Variants in CFAP20DC observed in about 807,000 individuals in gnomAD.
The protein encoded by CFAP20DC is protein CFAP20DC.
A neutral mutation model predicts 101.7 loss-of-function variants in CFAP20DC; 84 were observed. The observed-to-expected ratio is 0.83, with a 90% CI of 0.69 to 0.99. CFAP20DC has a LOEUF of 0.99. Ranked by LOEUF, CFAP20DC falls within the 50% of genes least tolerant of loss-of-function variation. CFAP20DC has a pLI of 0.00. For synonymous variants in CFAP20DC, 359 were observed against 351.2 expected (o/e 1.02, Z -0.25); for missense variants, 1,007 against 970.3 (o/e 1.04, Z -0.50).
At chr3:58,821,130 T>C (rs1358943873) in intron 14 of CFAP20DC, among the ~76,000 whole-genome samples, 146 of 152,022 alleles carry the variant, frequency 9.6e-4, no homozygotes, top group African/African-American at 3.3e-3. Flanking sequence ...TTACACCTTA[T>C]ATAAAAATCA....
At position 58,979,999 on chromosome 3, in the gene CFAP20DC, T is replaced by C. The variant is rs550356087; in HGVS notation, c.279-42237A>G. ...GGACAGCAAGGTTGAAATGATCGAT[T>C]AGCACTGTTTGCCTCGGACATCACT... On this transcript the variant is annotated intron_variant, in intron 4 of 16. Coordinates refer to ENST00000482387, the MANE Select transcript of CFAP20DC (RefSeq NM_001394063.1). 1.1e-4 allele frequency among the ~76,000 whole-genome samples: 16 copies of C among 152,278 alleles called. No homozygotes were observed. The East Asian group carries it at 2.9e-3, about 28-fold the overall frequency.
chr3:58,834,416 A>G (rs1440038270), intron 13 of CFAP20DC, among the ~76,000 whole-genome samples: 4 of 152,168 alleles, frequency 2.6e-5, no homozygotes, highest in African/African-American at 9.7e-5. Flanking sequence ...ATTTTATTTT[A>G]ATTTTCATAA....
chr3:58,877,674 G>A (rs1305099230), intron 7 of CFAP20DC, among the ~76,000 whole-genome samples: 1 of 152,172 alleles, frequency 6.6e-6, no homozygotes, highest in Non-Finnish European at 1.5e-5. Flanking sequence ...GCCCTCTGTG[G>A]ATCAGGAGGA....
At chr3:59,024,809 C>T (rs940004475) in intron 4 of CFAP20DC, among the ~76,000 whole-genome samples, 4 of 152,008 alleles carry the variant, frequency 2.6e-5, no homozygotes, top group Non-Finnish European at 5.9e-5. Flanking sequence ...AAATGAAATA[C>T]AGTGAAAGGG....
At chr3:58,753,024 C>T (rs546109546) in intron 16 of CFAP20DC, among the ~76,000 whole-genome samples, 3 of 152,130 alleles carry the variant, frequency 2.0e-5, no homozygotes, top group Admixed American at 1.3e-4. Context: ...CATGCCTCTG[C>T]CATCTCAACT....
In CFAP20DC at chr3:58,742,194, T is replaced by G; in HGVS notation, c.*266A>C. The G allele has an allele frequency of 2.1e-6, 2 of 972,270 alleles. No individual in the cohort carries two copies. The highest frequency in any genetic ancestry group is 2.5e-6 in the Non-Finnish European group (2 of 803,068). 60.2% of individuals were successfully genotyped at this position (972,270 alleles called of 1,614,324 possible). On this transcript the variant is annotated 3_prime_UTR_variant, in exon 17 of 17. Transcript: ENST00000482387. Reference sequence around the variant, plus strand: ...ATTATCTGAAATAAACAAAATTATATGTAGAATGAGAACAAACAAGAACCA... The same window carrying G: ...ATTATCTGAAATAAACAAAATTATAGGTAGAATGAGAACAAACAAGAACCA...
At chr3:58,932,402 A>T (rs1241768811) in intron 5 of CFAP20DC, among the ~76,000 whole-genome samples, 1 of 152,104 alleles carries the variant, frequency 6.6e-6, no homozygotes, top group Non-Finnish European at 1.5e-5. Flanking sequence ...GCCAACATTC[A>T]GATTCAGGAA....
At chr3:59,004,283 A>G (rs999856504) in intron 4 of CFAP20DC, among the ~76,000 whole-genome samples, 2 of 152,208 alleles carry the variant, frequency 1.3e-5, no homozygotes, top group African/African-American at 4.8e-5. Context: ...TCTGAGGCAC[A>G]GGAAGAAGGC....
At chr3:59,017,599 A>G (rs1041958912) in intron 4 of CFAP20DC, 4 of 152,048 alleles carry the variant, frequency 2.6e-5, no homozygotes, top group African/African-American at 9.7e-5. Flanking sequence ...CCCTACATCC[A>G]TTTTTTGGTT....
intron 4 of CFAP20DC, among the ~76,000 whole-genome samples, chr3:58,954,228 G>T (rs1462454424): frequency 6.6e-6 from 1 of 152,050 alleles, no homozygotes; most frequent in Non-Finnish European, 1.5e-5. Context: ...TGAGTAAATG[G>T]TAGCACCCAT....
In CFAP20DC at chr3:58,931,571, C is replaced by T. The variant is rs529145273; in HGVS notation, c.393+6077G>A. Among the ~76,000 whole-genome samples, 113 of 152,294 alleles carry T rather than the reference C, an allele frequency of 7.4e-4. 4 individuals are homozygous for T. In the South Asian group the frequency reaches 0.02, roughly 27 times the overall value. ...CACACGGGCGGGTACTCCTCTGAGA[C>T]AAAACTTCCAGAGGAACGATCAGAC... On this transcript the variant is annotated intron_variant, in intron 5 of 16. Transcript: ENST00000482387.
intron 4 of CFAP20DC, among the ~76,000 whole-genome samples, chr3:58,981,365 T>C (rs554071346): frequency 0.011 from 1,619 of 152,122 alleles, 34 homozygotes; most frequent in African/African-American, 0.036. Flanking sequence ...ACTTTAAAGT[T>C]CATATGGAAC....
intron 4 of CFAP20DC, among the ~76,000 whole-genome samples, chr3:58,972,223 T>C (rs2091992151): frequency 6.6e-6 from 1 of 152,142 alleles, no homozygotes; most frequent in Non-Finnish European, 1.5e-5. Context: ...CTCATACCCA[T>C]GAGGGGAATC....
At chr3:59,008,155 A>G (rs568119354) in intron 4 of CFAP20DC, among the ~76,000 whole-genome samples, 58 of 152,304 alleles carry the variant, frequency 3.8e-4, no homozygotes, top group Middle Eastern at 3.4e-3. Flanking sequence ...ATTCAGGCCG[A>G]CAGAGGAAGA....
chr3:58,754,013 A>C (rs2068753257), intron 15 of CFAP20DC, 150 bp from the exon 16 acceptor site: 1 of 587,880 alleles, frequency 1.7e-6, no homozygotes, highest in Non-Finnish European at 3.0e-6. Context: ...AGATATCAAT[A>C]TCCAGTTTTG....
rs1484708201 is a variant in CFAP20DC, at chr3:58,799,094, G to A, written c.2237+7301C>T. Reference sequence around the variant, plus strand: ...ATAATGTGTATATATGTATGTGTATGCATATAAATAATGGTTTTTTTTTTC... The same window carrying A: ...ATAATGTGTATATATGTATGTGTATACATATAAATAATGGTTTTTTTTTTC... On this transcript the variant is annotated intron_variant, in intron 15 of 16. Coordinates refer to ENST00000482387, the MANE Select transcript of CFAP20DC (RefSeq NM_001394063.1). The surrounding 1 kb of genome is among the most constrained non-coding windows in gnomAD (Gnocchi z 4.9). Among the ~76,000 whole-genome samples the A allele has an allele frequency of 6.6e-6, 1 of 151,948 alleles. No homozygotes were observed. The highest frequency in any genetic ancestry group is 1.9e-4 in the East Asian group (1 of 5,196).
intron 4 of CFAP20DC, among the ~76,000 whole-genome samples, chr3:58,996,215 A>G (rs1160462079): frequency 6.6e-6 from 1 of 152,150 alleles, no homozygotes; most frequent in Admixed American, 6.5e-5. Context: ...AATAAATCTC[A>G]CCTGTAATAA....
At chr3:58,796,689 T>C (rs1244231865) in intron 15 of CFAP20DC, among the ~76,000 whole-genome samples, 1 of 152,144 alleles carries the variant, frequency 6.6e-6, no homozygotes, top group Non-Finnish European at 1.5e-5. Context: ...TGCCTTGTTT[T>C]ATTGTGTTTT....
At chr3:58,845,182 T>TA in intron 13 of CFAP20DC, among the ~76,000 whole-genome samples, 2 of 150,108 alleles carry the variant, frequency 1.3e-5, no homozygotes, top group Admixed American at 1.3e-4. Flanking sequence ...CTGAAGGAAA[T>TA]AGAGACACAA....
Sources: allele counts gnomAD v4.1 joint callset (sites outside exome capture counted in the v4.1 genomes callset), GRCh38; gene constraint gnomAD v4.1.1; non-coding constraint Gnocchi (gnomAD v3.1); transcripts MANE v1.5; gene names NCBI Gene and HGNC (gene_info 2026-07-23, HGNC 2026-07-21).